EVPL: variants seen among roughly 807,000 people sequenced by gnomAD.
The protein encoded by EVPL is envoplakin, also known as 210 kDa cornified envelope precursor protein.
In EVPL, 94 loss-of-function variants were observed where a neutral mutation model predicts 129.7. The observed-to-expected ratio is 0.72, with a 90% CI of 0.61 to 0.86. The LOEUF (loss-of-function observed/expected upper bound fraction) is 0.86, where lower values mean the gene tolerates loss of function less well. Ranked by LOEUF, EVPL falls within the 40% of genes least tolerant of loss-of-function variation. The pLI is 0.00. For synonymous variants in EVPL, 1,172 were observed against 1,191.1 expected (o/e 0.98, Z 0.33); for missense variants, 2,625 against 2,721.1 (o/e 0.96, Z 0.79).
Position 76,008,927 on chromosome 17 carries a change from C to T in EVPL, c.4278G>A (p.Gln1426=). 1 of 1,612,928 alleles carries T rather than the reference C, an allele frequency of 6.2e-7. No homozygotes were observed. Residue 1426 remains glutamine (Q), a synonymous_variant, in exon 22 of 22, where the codon CAG becomes CAA. Transcript: ENST00000301607. The surrounding 1 kb of genome is among the most constrained non-coding windows in gnomAD (Gnocchi z 7.4). ...CGGCCAGCTTCTTGCTGCGGTCCTCCTGGAAGCTGAGCAGGCCCTCCTGCT... is the reference window on the plus strand; with the variant it reads ...CGGCCAGCTTCTTGCTGCGGTCCTCTTGGAAGCTGAGCAGGCCCTCCTGCT... The part of the protein sequence containing the change: ...VEEQEGLLSF[Q]EDRSKKLAVE...
chr17:76,016,559 G>A (rs1180354134), intron 14 of EVPL, among the ~76,000 whole-genome samples: 1 of 152,174 alleles, frequency 6.6e-6, no homozygotes, highest in Non-Finnish European at 1.5e-5. Context: ...AGGCTACAGT[G>A]AGCCTTGATC....
chr17:76,018,145 G>A lies in EVPL; in HGVS notation c.1537+16C>T, dbSNP rs982174914. On this transcript the variant is annotated intron_variant, in intron 13 of 21. Coordinates refer to ENST00000301607, the MANE Select transcript of EVPL (RefSeq NM_001988.4). ...TCTAGCCCCACAGCCACCTCTCCCC[G>A]GGCCACCCTGGGTACCCTGCTGGCT... 6 of 1,550,660 alleles carry A rather than the reference G, an allele frequency of 3.9e-6. No homozygotes were observed. Among genetic ancestry groups the A allele is most frequent in the Non-Finnish European group, 5.2e-6 (6 of 1,146,804 alleles).
rs762319655 is a variant in EVPL, at chr17:76,022,495, A to G, written c.524T>C (p.Leu175Pro). 1 of 1,612,360 alleles carries G rather than the reference A, an allele frequency of 6.2e-7. No individual in the cohort carries two copies. Among genetic ancestry groups the G allele is most frequent in the South Asian group, 1.1e-5 (1 of 90,692 alleles). Residue 175 changes from leucine to proline, a missense_variant, in exon 5 of 22, where the codon CTG becomes CCG. By Grantham distance (98) the Leu-to-Pro change is moderately conservative. Around this residue, in one of 4 missense-constraint regions of EVPL, gnomAD observed 1,024 missense variants for 997.5 expected, o/e 1.03. Coordinates refer to ENST00000301607, the MANE Select transcript of EVPL (RefSeq NM_001988.4). This position sits in a 1 kb window ranked among gnomAD's most constrained non-coding sequence, Gnocchi z 5.6. The part of the protein sequence containing the change: ...AGQYGPGMAE[L>P]EQQIAEHNIL... ...GTTGTGCTCGGCGATCTGTTGCTCC[A>G]GCTCCGCCATGCCCGGCCCGTACTG...
chr17:76,012,750 T>G (rs1267468762), intron 18 of EVPL, among the ~76,000 whole-genome samples: 1 of 147,464 alleles, frequency 6.8e-6, no homozygotes, highest in Admixed American at 6.7e-5. Context: ...TTCTTTTTTT[T>G]TTTTTTTTTT....
chr17:76,009,701 C>G lies in EVPL; in HGVS notation c.3504G>C (p.Thr1168=). ...LLEEERTKNA[T]LARELSDLHS... ...GCAGGTCGCTCAGCTCCCTGGCCAG[C>G]GTCGCGTTCTTGGTCCTCTCCTCCT... The change falls in exon 22 of 22, where the codon ACG becomes ACC. Residue 1168 remains threonine (T), a synonymous_variant. Coordinates refer to ENST00000301607, the MANE Select transcript of EVPL (RefSeq NM_001988.4). The surrounding 1 kb of genome is among the most constrained non-coding windows in gnomAD (Gnocchi z 5.9). 1 of 1,613,460 alleles carries G rather than the reference C, an allele frequency of 6.2e-7. No individual in the cohort carries two copies. Among genetic ancestry groups the G allele is most frequent in the African/African-American group, 1.3e-5 (1 of 75,048 alleles).
In EVPL at chr17:76,008,573, G is replaced by GT; in HGVS notation, c.4631dup (p.Asn1544LysfsTer22). The GT allele has an allele frequency of 6.2e-7, 1 of 1,610,616 alleles. No individual in the cohort carries two copies. The highest frequency in any genetic ancestry group is 8.5e-7 in the Non-Finnish European group (1 of 1,180,004). On this transcript the variant is annotated frameshift_variant, in exon 22 of 22. Transcript: ENST00000301607. LOFTEE classifies it low-confidence loss of function (END_TRUNC). The surrounding 1 kb of genome is among the most constrained non-coding windows in gnomAD (Gnocchi z 7.4). Reference sequence around the variant, plus strand: ...GGGCCTGCCGGGCCGTGCGCTCCCTGTTGAGCATCTCCCACACGCGGGCCC... The same window carrying GT: ...GGGCCTGCCGGGCCGTGCGCTCCCTGTTTGAGCATCTCCCACACGCGGGCCC...
At chr17:76,010,806 A>G (rs756938033) in intron 21 of EVPL, among the ~76,000 whole-genome samples, 1 of 152,172 alleles carries the variant, frequency 6.6e-6, no homozygotes, top group African/African-American at 2.4e-5. Context: ...GATGCCTTTA[A>G]TCCCAACACT....
rs1287876716 is a variant in EVPL at position 76,017,853 on chromosome 17, G to C, written c.1596C>G (p.Thr532=). 1 of 1,614,102 alleles carries C rather than the reference G, an allele frequency of 6.2e-7. No homozygotes were observed. The highest frequency in any genetic ancestry group is 8.5e-7 in the Non-Finnish European group (1 of 1,180,038). The part of the protein sequence containing the change: ...PQAQKLLTQM[T]RLDGDLGQIE... Reference sequence around the variant, plus strand: ...TCTGTCCCAGGTCTCCATCCAGCCGGGTCATCTGTGTCAGGAGCTTCTGGG... The same window carrying C: ...TCTGTCCCAGGTCTCCATCCAGCCGCGTCATCTGTGTCAGGAGCTTCTGGG... The change falls in exon 14 of 22, where the codon ACC becomes ACG. Residue 532 remains threonine (T), a synonymous_variant. Coordinates refer to ENST00000301607, the MANE Select transcript of EVPL (RefSeq NM_001988.4).
At position 76,009,731 on chromosome 17, in the gene EVPL, G is replaced by A. The variant is rs1377677418; in HGVS notation, c.3474C>T (p.Leu1158=). 1.9e-5 allele frequency: 30 copies of A among 1,613,576 alleles called. No homozygotes were observed. The highest frequency in any genetic ancestry group is 2.3e-5 in the Non-Finnish European group (27 of 1,180,032). ...LLQESSRLRS[L]LEEERTKNAT... ...CGTTCTTGGTCCTCTCCTCCTCGAG[G>A]AGGCTCCTCAGCCTGGAGGACTCCT... is the stretch of plus-strand genomic sequence containing the variant. The change falls in exon 22 of 22, where the codon CTC becomes CTT. Residue 1158 remains leucine (L), a synonymous_variant. Transcript: ENST00000301607. The surrounding 1 kb of genome is among the most constrained non-coding windows in gnomAD (Gnocchi z 5.9).
At position 76,023,688 on chromosome 17, in the gene EVPL, C is replaced by T. The variant is rs149177399; in HGVS notation, c.199-34G>A. ...AGGAGATGGGCAGACTGGCCAGGGC[C>T]CAGAGCCCCCACACCCCTGCTGCCC... On this transcript the variant is annotated intron_variant, in intron 2 of 21. Coordinates refer to ENST00000301607, the MANE Select transcript of EVPL (RefSeq NM_001988.4). The T allele has an allele frequency of 1.6e-4, 246 of 1,505,396 alleles. 1 individual carries two copies. In the African/African-American group the frequency reaches 3.1e-3, roughly 19 times the overall value. The allele number at this position is 1,505,396 out of a possible 1,614,324, so 93.3% of individuals were successfully genotyped here. A position where few individuals can be genotyped will look rare whatever the true frequency, so the allele number is the denominator to read the frequency against.
In EVPL at chr17:76,022,602, G is replaced by A. The variant is rs936007285; in HGVS notation, c.481-64C>T. Reference sequence around the variant, plus strand: ...GGTGGGGAGCCAGAGAACCCCACACGCCTCCCACCCGGAGAAGTGGACTTG... The same window carrying A: ...GGTGGGGAGCCAGAGAACCCCACACACCTCCCACCCGGAGAAGTGGACTTG... On this transcript the variant is annotated intron_variant, in intron 4 of 21. Transcript: ENST00000301607. The surrounding 1 kb of genome is among the most constrained non-coding windows in gnomAD (Gnocchi z 5.6). The A allele has an allele frequency of 3.9e-5, 60 of 1,529,206 alleles. No individual in the cohort carries two copies. Among genetic ancestry groups the A allele is most frequent in the Admixed American group, 6.1e-5 (3 of 49,464 alleles). 94.7% of individuals were successfully genotyped at this position (1,529,206 alleles called of 1,614,324 possible).
At chr17:76,012,659 G>GAGGC (rs1315767304) in intron 18 of EVPL, among the ~76,000 whole-genome samples, 2 of 152,030 alleles carry the variant, frequency 1.3e-5, no homozygotes, top group African/African-American at 4.8e-5. Context: ...GGGCCTGTGG[G>GAGGC]AGGCAGGCAG....
intron 13 of EVPL, 60 bp downstream of exon 13, chr17:76,018,101 G>T (rs1398150544): frequency 1.3e-6 from 2 of 1,547,174 alleles, no homozygotes; most frequent in Admixed American, 4.0e-5. Context: ...AGACCAGTCG[G>T]AAGTCGGAAT....
chr17:76,010,269 A>T lies in EVPL; in HGVS notation c.2936T>A (p.Val979Glu). ...EGSLSRVKAQ[V>E]EEEGKRRAGL... ...AGCCCGCCGCTTGCCCTCCTCCTCCACCTGGGCCTTCACCCTGGACAGGCT... is the reference window on the plus strand; with the variant it reads ...AGCCCGCCGCTTGCCCTCCTCCTCCTCCTGGGCCTTCACCCTGGACAGGCT... The change falls in exon 22 of 22, where the codon GTG (valine) becomes GAG (glutamate). Residue 979 changes from valine to glutamate, a missense_variant. Val to Glu is a moderately radical substitution (Grantham distance 121). Around this residue, in one of 4 missense-constraint regions of EVPL, gnomAD observed 1,453 missense variants for 1,511.8 expected, o/e 0.96. Coordinates refer to ENST00000301607, the MANE Select transcript of EVPL (RefSeq NM_001988.4). The T allele has an allele frequency of 6.2e-7, 1 of 1,613,550 alleles. No homozygotes were observed. The highest frequency in any genetic ancestry group is 1.3e-5 in the African/African-American group (1 of 74,894).
At chr17:76,014,042 G>A (rs894973859) in intron 18 of EVPL, among the ~76,000 whole-genome samples, 1 of 152,158 alleles carries the variant, frequency 6.6e-6, no homozygotes, top group Non-Finnish European at 1.5e-5. Context: ...TGTCCAGCCT[G>A]GGGGCACCCA....
Position 76,008,019 on chromosome 17 carries a change from G to C in EVPL, c.5186C>G (p.Ser1729Trp), listed in dbSNP as rs766614508. The C allele has an allele frequency of 1.9e-6, 3 of 1,613,966 alleles. No homozygotes were observed. Among genetic ancestry groups the C allele is most frequent in the Non-Finnish European group, 2.5e-6 (3 of 1,180,024 alleles). Reference sequence around the variant, plus strand: ...CACAGACTCCTCCCCACAGGGCCCCGAGGTGGTGACCTCCTCCCAGTCACA... The same window carrying C: ...CACAGACTCCTCCCCACAGGGCCCCCAGGTGGTGACCTCCTCCCAGTCACA... ...LECDWEEVTTSGPCGEESVLL... is the reference protein window; with the variant it reads ...LECDWEEVTTWGPCGEESVLL... The change falls in exon 22 of 22, where the codon TCG (serine) becomes TGG (tryptophan). Residue 1729 changes from serine to tryptophan, a missense_variant. Coordinates refer to ENST00000301607, the MANE Select transcript of EVPL (RefSeq NM_001988.4). This position sits in a 1 kb window ranked among gnomAD's most constrained non-coding sequence, Gnocchi z 7.4.
rs1371479899 is a variant in EVPL at position 76,006,992 on chromosome 17, G to A, written c.*111C>T. Reference sequence around the variant, plus strand: ...ATGTTAGTAAAATAATAAAACAGTGGTTGGACAGAGGGAAGACCCACTGCC... The same window carrying A: ...ATGTTAGTAAAATAATAAAACAGTGATTGGACAGAGGGAAGACCCACTGCC... On this transcript the variant is annotated 3_prime_UTR_variant, in exon 22 of 22. Transcript: ENST00000301607. 12 of 1,174,126 alleles carry A rather than the reference G, an allele frequency of 1.0e-5. No homozygotes were observed. The highest frequency in any genetic ancestry group is 1.2e-5 in the Non-Finnish European group (11 of 924,020). The allele number at this position is 1,174,126 out of a possible 1,614,324, so 72.7% of individuals were successfully genotyped here. A position where few individuals can be genotyped will look rare whatever the true frequency, so the allele number is the denominator to read the frequency against.
In EVPL at chr17:76,007,120, G is replaced by T; in HGVS notation, c.6085C>A (p.Pro2029Thr). 2.0e-6 allele frequency: 3 copies of T among 1,485,510 alleles called. No individual in the cohort carries two copies. The highest frequency in any genetic ancestry group is 2.7e-6 in the Non-Finnish European group (3 of 1,117,980). The allele number at this position is 1,485,510 out of a possible 1,614,324, so 92.0% of individuals were successfully genotyped here. A position where few individuals can be genotyped will look rare whatever the true frequency, so the allele number is the denominator to read the frequency against. The change falls in exon 22 of 22, where the codon CCG becomes ACG. Residue 2029 changes from proline to threonine, a missense_variant. Pro to Thr is a conservative substitution (Grantham distance 38, BLOSUM62 -1). Coordinates refer to ENST00000301607, the MANE Select transcript of EVPL (RefSeq NM_001988.4). The surrounding 1 kb of genome is among the most constrained non-coding windows in gnomAD (Gnocchi z 8.8). ...RCYRSASPTV[P>T]RSLR Reference sequence around the variant, plus strand: ...GGCCCGTGTCAGCGAAGGGAGCGCGGGACGGTGGGGGAGGCGGAGCGGTAG... The same window carrying T: ...GGCCCGTGTCAGCGAAGGGAGCGCGTGACGGTGGGGGAGGCGGAGCGGTAG...
At chr17:76,025,687 G>A (rs1178189721) in intron 1 of EVPL, among the ~76,000 whole-genome samples, 2 of 152,342 alleles carry the variant, frequency 1.3e-5, no homozygotes, top group East Asian at 3.9e-4. Context: ...CCCAGCCTCG[G>A]TGTCTGTTGG....
Sources: gnomAD v4.1 joint callset for allele counts (sites outside exome capture counted in the v4.1 genomes callset) on GRCh38, gnomAD v4.1.1 for gene constraint, gnomAD v4.1.1 regional missense constraint, Gnocchi (gnomAD v3.1) non-coding constraint, MANE v1.5 for transcripts, NCBI Gene and HGNC (gene_info 2026-07-23, HGNC 2026-07-21) for gene names.